Variants in SYNPR observed in about 807,000 individuals in gnomAD.
The protein encoded by SYNPR is synaptoporin.
Under a neutral mutation model 32.9 loss-of-function variants are expected in SYNPR, and 23 were observed. That is an observed-to-expected ratio of 0.70 (90% CI 0.50 to 0.99). The LOEUF is 0.99. Ranked by LOEUF, SYNPR falls within the 50% of genes least tolerant of loss-of-function variation. The pLI is 0.00. For synonymous variants in SYNPR, 146 were observed against 135.9 expected (o/e 1.07, Z -0.52); for missense variants, 318 against 349.3 (o/e 0.91, Z 0.71).
intron 2 of SYNPR, among the ~76,000 whole-genome samples, chr3:63,283,669 C>T (rs2086653214): frequency 7.3e-6 from 1 of 136,336 alleles, no homozygotes; most frequent in East Asian, 2.1e-4. Context: ...CTGTCACCCA[C>T]GATGGAGGGC....
chr3:63,344,232 G>T (rs1369434201), intron 2 of SYNPR, among the ~76,000 whole-genome samples: 1 of 152,050 alleles, frequency 6.6e-6, no homozygotes, highest in East Asian at 1.9e-4. Context: ...AGTATCAATA[G>T]CCCTTTACAA....
intron 4 of SYNPR, among the ~76,000 whole-genome samples, chr3:63,598,314 G>A (rs560014957): frequency 6.6e-6 from 1 of 152,118 alleles, no homozygotes; most frequent in Admixed American, 6.5e-5. Flanking sequence ...TATACCCCAG[G>A]GTGATCCCAG....
At chr3:63,490,646 C>A (rs1421192348) in intron 3 of SYNPR, among the ~76,000 whole-genome samples, 1 of 152,080 alleles carries the variant, frequency 6.6e-6, no homozygotes, top group Non-Finnish European at 1.5e-5. Flanking sequence ...CATCACTTTT[C>A]TCAGTGATGT....
At chr3:63,351,233 T>C (rs930583195) in intron 2 of SYNPR, among the ~76,000 whole-genome samples, 9 of 152,186 alleles carry the variant, frequency 5.9e-5, no homozygotes, top group African/African-American at 2.2e-4. Context: ...GCTCATTTAT[T>C]TGTTGTTGTG....
At chr3:63,588,268 T>A (rs1703227952) in intron 4 of SYNPR, among the ~76,000 whole-genome samples, 1 of 152,088 alleles carries the variant, frequency 6.6e-6, no homozygotes, top group Admixed American at 6.6e-5. Context: ...GTTCGGTTGA[T>A]GAGAAAACAT....
chr3:63,608,293 C>A (rs1211388298), intron 4 of SYNPR, among the ~76,000 whole-genome samples: 1 of 152,100 alleles, frequency 6.6e-6, no homozygotes, highest in Non-Finnish European at 1.5e-5. Flanking sequence ...AAGCTTCTTT[C>A]CCCTGCGAAC....
chr3:63,493,454 T>C (rs1175638324), intron 3 of SYNPR, among the ~76,000 whole-genome samples: 2 of 152,068 alleles, frequency 1.3e-5, no homozygotes, highest in African/African-American at 4.8e-5. Flanking sequence ...ATCAGAACTT[T>C]AGACTCTCTC....
intron 5 of SYNPR, among the ~76,000 whole-genome samples, chr3:63,611,235 G>A (rs1482209269): frequency 6.6e-6 from 1 of 152,222 alleles, no homozygotes; most frequent in African/African-American, 2.4e-5. Flanking sequence ...ATCTAGAGCA[G>A]AATGAGAGTT....
chr3:63,280,786 A>G (rs2086624049), intron 2 of SYNPR, among the ~76,000 whole-genome samples: 1 of 151,318 alleles, frequency 6.6e-6, no homozygotes, highest in East Asian at 1.9e-4. Flanking sequence ...AGTGAAATAG[A>G]ATAAAGGTTA....
chr3:63,301,484 G>T (rs1164462809), intron 2 of SYNPR, among the ~76,000 whole-genome samples: 1 of 152,032 alleles, frequency 6.6e-6, no homozygotes, highest in Non-Finnish European at 1.5e-5. Context: ...TGGAAGAAAT[G>T]GGTAGAAGGC....
intron 3 of SYNPR, among the ~76,000 whole-genome samples, chr3:63,520,904 G>A (rs1217701502): frequency 1.4e-5 from 2 of 141,342 alleles, no homozygotes; most frequent in African/African-American, 5.4e-5. Flanking sequence ...GACTAGAGAT[G>A]TCCATTGTGC....
chr3:63,415,893 T>G (rs1342906221), intron 2 of SYNPR, among the ~76,000 whole-genome samples: 1 of 152,254 alleles, frequency 6.6e-6, no homozygotes, highest in African/African-American at 2.4e-5. Context: ...TGGTCAATCA[T>G]GTAATGGCAG....
chr3:63,239,452 C>CA (rs2086222948), intron 1 of SYNPR, among the ~76,000 whole-genome samples: 1 of 150,276 alleles, frequency 6.7e-6, no homozygotes, highest in African/African-American at 2.4e-5. Flanking sequence ...CACACCTTAC[C>CA]ATGAGTGCAT....
At chr3:63,396,873 G>A (rs13094471) in intron 2 of SYNPR, among the ~76,000 whole-genome samples, 16,761 of 152,200 alleles carry the variant, frequency 0.11, 1,377 homozygotes, top group East Asian at 0.42. Context: ...GGAAGGCCGA[G>A]GCGGGTGGAT....
At chr3:63,517,756 T>A (rs1701827546) in intron 3 of SYNPR, among the ~76,000 whole-genome samples, 1 of 152,164 alleles carries the variant, frequency 6.6e-6, no homozygotes, top group Admixed American at 6.6e-5. Flanking sequence ...ACACTTCGTT[T>A]ATCTGAATGA....
chr3:63,341,003 C>T (rs1055106182), intron 2 of SYNPR, among the ~76,000 whole-genome samples: 6 of 152,010 alleles, frequency 3.9e-5, no homozygotes, highest in Non-Finnish European at 5.9e-5. Context: ...TAGTTTAATC[C>T]CCCTAAAAAT....
At chr3:63,447,781 C>T (rs1454556750) in intron 2 of SYNPR, among the ~76,000 whole-genome samples, 2 of 151,462 alleles carry the variant, frequency 1.3e-5, no homozygotes, top group Admixed American at 6.6e-5. Flanking sequence ...GCCAAAAGTA[C>T]TATTGGAAAA....
At position 63,567,834 on chromosome 3, in the gene SYNPR, C is replaced by T. The variant is rs77324103; in HGVS notation, c.408+11093C>T. Among the ~76,000 whole-genome samples the T allele has an allele frequency of 2.8e-3, 434 of 152,332 alleles. 11 individuals are homozygous for T. In the East Asian group the frequency reaches 0.056, roughly 20 times the overall value. On this transcript the variant is annotated intron_variant, in intron 4 of 5. Coordinates refer to ENST00000478300, the MANE Select transcript of SYNPR (RefSeq NM_001130003.2). ...AAGGAGTGATCGCACCTTTGTTCCACCACCTGTCTGAGATCTGCAACTTAG... is the reference window on the plus strand; with the variant it reads ...AAGGAGTGATCGCACCTTTGTTCCATCACCTGTCTGAGATCTGCAACTTAG...
chr3:63,266,221 T>C (rs977301608), intron 2 of SYNPR, among the ~76,000 whole-genome samples: 1 of 151,254 alleles, frequency 6.6e-6, no homozygotes, highest in Non-Finnish European at 1.5e-5. Context: ...AGTTATAAAC[T>C]AGTTTAATTA....
Sources: gnomAD v4.1 joint callset for allele counts (sites outside exome capture counted in the v4.1 genomes callset) on GRCh38, gnomAD v4.1.1 for gene constraint, MANE v1.5 for transcripts, NCBI Gene and HGNC (gene_info 2026-07-23, HGNC 2026-07-21) for gene names.